LRBA: variants seen among roughly 807,000 people sequenced by gnomAD.
The protein encoded by LRBA is LPS responsive beige-like anchor protein, also known as lipopolysaccharide-responsive and beige-like anchor protein.
LRBA carries 176 observed loss-of-function variants against 330.0 expected under a neutral mutation model. The ratio of observed to expected loss-of-function variants is 0.53; its 90% CI spans 0.47 to 0.60. The LOEUF is 0.60. Among genes scored for constraint, LRBA ranks in the 20% least tolerant of loss-of-function variants. The probability of loss-of-function intolerance (pLI) is 0.00; values close to 1 mark genes in which losing one functional copy is unlikely to be tolerated. For synonymous variants in LRBA, 1,230 were observed against 1,193.0 expected (o/e 1.03, Z -0.64); for missense variants, 3,259 against 3,444.8 (o/e 0.95, Z 1.35).
At chr4:150,514,056 GTTTT>G (rs1444549382) in intron 40 of LRBA, among the ~76,000 whole-genome samples, 1 of 152,024 alleles carries the variant, frequency 6.6e-6, no homozygotes, top group Non-Finnish European at 1.5e-5. Flanking sequence ...ACCTTTCATA[GTTTT>G]TTTGTTGTTG....
chr4:150,514,836 T>C (rs976310448), intron 40 of LRBA, among the ~76,000 whole-genome samples: 2 of 152,234 alleles, frequency 1.3e-5, no homozygotes, highest in Admixed American at 6.5e-5. Flanking sequence ...TAATGAATCA[T>C]CTGCTTTGAG....
At chr4:150,385,505 T>C (rs552081929) in intron 47 of LRBA, among the ~76,000 whole-genome samples, 4 of 151,956 alleles carry the variant, frequency 2.6e-5, no homozygotes, top group African/African-American at 9.7e-5. Flanking sequence ...AAAAAATCAT[T>C]TGGGAGATTA....
intron 37 of LRBA, among the ~76,000 whole-genome samples, chr4:150,677,427 T>G (rs1014874488): frequency 6.6e-6 from 1 of 152,178 alleles, no homozygotes; most frequent in Non-Finnish European, 1.5e-5. Flanking sequence ...TGCAACAACT[T>G]GAATTTATTT....
At chr4:150,822,747 G>C (rs776717095) in intron 30 of LRBA, among the ~76,000 whole-genome samples, 8 of 152,066 alleles carry the variant, frequency 5.3e-5, no homozygotes, top group African/African-American at 1.9e-4. Context: ...GCAAGACACC[G>C]TCTCAAAAAT....
intron 44 of LRBA, among the ~76,000 whole-genome samples, chr4:150,463,545 C>G (rs1031512487): frequency 6.6e-6 from 1 of 151,896 alleles, no homozygotes; most frequent in Non-Finnish European, 1.5e-5. Flanking sequence ...GCAGCCCCCC[C>G]TTTTTTACTT....
At chr4:150,695,786 A>C (rs1297095438) in intron 36 of LRBA, among the ~76,000 whole-genome samples, 1 of 152,232 alleles carries the variant, frequency 6.6e-6, no homozygotes. Flanking sequence ...AAAGAGTTAG[A>C]TGATCTTAAG....
chr4:150,619,835 T>C (rs1776129181), intron 37 of LRBA, among the ~76,000 whole-genome samples: 1 of 152,060 alleles, frequency 6.6e-6, no homozygotes, highest in South Asian at 2.1e-4. Flanking sequence ...CTTTCATAGA[T>C]CTAAAATGAA....
At chr4:150,997,195 G>C (rs1742751939) in intron 2 of LRBA, among the ~76,000 whole-genome samples, 1 of 152,154 alleles carries the variant, frequency 6.6e-6, no homozygotes, top group Non-Finnish European at 1.5e-5. Flanking sequence ...ATAAAAACTA[G>C]AAAGATATTT....
intron 56 of LRBA, among the ~76,000 whole-genome samples, chr4:150,270,244 TTGAATAGA>T (rs1316003611): frequency 6.6e-6 from 1 of 152,180 alleles, no homozygotes; most frequent in Non-Finnish European, 1.5e-5. Flanking sequence ...AAAAAGGGAC[TTGAATAGA>T]TATTTGTATG....
chr4:150,784,271 G>C (rs1738697105), intron 34 of LRBA, among the ~76,000 whole-genome samples: 3 of 152,292 alleles, frequency 2.0e-5, no homozygotes, highest in African/African-American at 7.2e-5. Context: ...GAGGAAAAGG[G>C]GTCCTCGGGA....
At chr4:150,654,282 G>A (rs1230937197) in intron 37 of LRBA, among the ~76,000 whole-genome samples, 1 of 152,074 alleles carries the variant, frequency 6.6e-6, no homozygotes, top group Non-Finnish European at 1.5e-5. Flanking sequence ...TGCCTCCCGG[G>A]TTCAAGCAAT....
At chr4:150,658,506 TC>T (rs1780461104) in intron 37 of LRBA, among the ~76,000 whole-genome samples, 3 of 434 alleles carry the variant, frequency 6.9e-3, no homozygotes, top group African/African-American at 0.028. Context: ...AAAATAAAAG[TC>T]TCCCTCTCCC....
In LRBA at chr4:150,961,788, A is replaced by T. The variant is rs147106794; in HGVS notation, c.217-32723T>A. Among the ~76,000 whole-genome samples the T allele has an allele frequency of 8.4e-3, 1,250 of 149,576 alleles. 193 individuals are homozygous for T. Among genetic ancestry groups the T allele is most frequent in the African/African-American group, 0.03 (1,179 of 38,936 alleles). On this transcript the variant is annotated intron_variant, in intron 2 of 56. Transcript: ENST00000651943. ...GAATGTCTGCTAGATGAAGAAGAGA[A>T]CAGAAAGTCCACACATAGTGCCAAA...
rs1461953690 is a variant in LRBA at position 150,962,684 on chromosome 4, T to C, written c.217-33619A>G. On this transcript the variant is annotated intron_variant, in intron 2 of 56. Transcript: ENST00000651943. The stretch of plus-strand genomic sequence containing the variant: ...ATAAAAAGCTTTTGGCTGGGCACAG[T>C]GGCTCGTGCCTGTAATCCCAGCACT... 2.7e-5 allele frequency among the ~76,000 whole-genome samples: 4 copies of C among 149,318 alleles called. No individual in the cohort carries two copies. The South Asian group carries it at 8.3e-4, about 31-fold the overall frequency.
chr4:150,507,039 C>G (rs926195410), intron 40 of LRBA, among the ~76,000 whole-genome samples: 1 of 151,444 alleles, frequency 6.6e-6, no homozygotes, highest in Admixed American at 6.6e-5. Context: ...AGGACCTCTT[C>G]AAGGAGAACT....
rs533867901 is a variant in LRBA at position 150,900,596 on chromosome 4, T to A, written c.1756-379A>T. Among the ~76,000 whole-genome samples the A allele has an allele frequency of 2.0e-5, 3 of 152,220 alleles. No individual in the cohort carries two copies. The South Asian group carries it at 6.2e-4, about 32-fold the overall frequency. ...GCATAGTTGTTTGAAAAAGCTAGAATTTCTTTCAAATACAACATTTGCAGA... is the reference window on the plus strand; with the variant it reads ...GCATAGTTGTTTGAAAAAGCTAGAAATTCTTTCAAATACAACATTTGCAGA... On this transcript the variant is annotated intron_variant, in intron 13 of 56. Coordinates refer to ENST00000651943, the MANE Select transcript of LRBA (RefSeq NM_001364905.1).
intron 37 of LRBA, among the ~76,000 whole-genome samples, chr4:150,640,303 A>T (rs1418738330): frequency 6.6e-6 from 1 of 152,136 alleles, no homozygotes; most frequent in Admixed American, 6.6e-5. Context: ...AGCAGGACAA[A>T]TCATACATCA....
At chr4:150,769,998 T>C (rs1736325671) in intron 34 of LRBA, among the ~76,000 whole-genome samples, 1 of 152,224 alleles carries the variant, frequency 6.6e-6, no homozygotes, top group African/African-American at 2.4e-5. Flanking sequence ...TCTGGTTGTG[T>C]CTGTGAGGTT....
At chr4:150,313,782 G>A (rs1050098855) in intron 51 of LRBA, among the ~76,000 whole-genome samples, 1 of 149,786 alleles carries the variant, frequency 6.7e-6, no homozygotes, top group Non-Finnish European at 1.5e-5. Context: ...AGATATCTTG[G>A]GGATGATAGC....
Sources: allele counts gnomAD v4.1 joint callset (sites outside exome capture counted in the v4.1 genomes callset), GRCh38; gene constraint gnomAD v4.1.1; transcripts MANE v1.5; gene names NCBI Gene and HGNC (gene_info 2026-07-23, HGNC 2026-07-21).